Variants in GPC6 observed in about 807,000 individuals in gnomAD.
GPC6 encodes the protein glypican-6.
In GPC6, 14 loss-of-function variants were observed where a neutral mutation model predicts 55.2. That is an observed-to-expected ratio of 0.25 (90% CI 0.17 to 0.40). The LOEUF is 0.40. Among genes scored for constraint, GPC6 ranks in the 10% least tolerant of loss-of-function variants. The pLI is 1.00. For missense variants in GPC6, 641 were observed against 708.5 expected, an observed-to-expected ratio of 0.90 and a Z score of 1.08; for synonymous variants, 278 against 259.6, an observed-to-expected ratio of 1.07 and a Z score of -0.68.
At chr13:94,169,351 T>A (rs1198184670) in intron 4 of GPC6, among the ~76,000 whole-genome samples, 1 of 152,102 alleles carries the variant, frequency 6.6e-6, no homozygotes, top group Non-Finnish European at 1.5e-5. Context: ...GGATTTTAAA[T>A]ACTTTAAAGT....
chr13:93,584,095 G>T (rs1388070417), intron 2 of GPC6, among the ~76,000 whole-genome samples: 3 of 152,148 alleles, frequency 2.0e-5, no homozygotes, highest in Non-Finnish European at 2.9e-5. Context: ...TTAGGAAAGG[G>T]AATAATGAAT....
chr13:94,256,305 C>T (rs985688177), intron 4 of GPC6, among the ~76,000 whole-genome samples: 6 of 152,100 alleles, frequency 3.9e-5, no homozygotes, highest in Admixed American at 2.0e-4. Flanking sequence ...GTGTAGTATG[C>T]ACTAAATTCT....
chr13:94,181,826 C>A (rs1280683892), intron 4 of GPC6, among the ~76,000 whole-genome samples: 1 of 152,198 alleles, frequency 6.6e-6, no homozygotes, highest in Admixed American at 6.5e-5. Flanking sequence ...CTACCACTAC[C>A]TGTTATTTAT....
rs923073388 is a variant in GPC6, at chr13:93,520,552, A to C, written c.161-24711A>C. On this transcript the variant is annotated intron_variant, in intron 1 of 8. Transcript: ENST00000377047. ...TGCTGAAATAGACTTTAAAAAAAAA[A>C]AACACTTGAAGATTTTTAAGAGTGT... Among the ~76,000 whole-genome samples, 11 of 152,098 alleles carry C rather than the reference A, an allele frequency of 7.2e-5. 1 individual carries two copies. The highest frequency in any genetic ancestry group is 1.3e-4 in the Non-Finnish European group (9 of 67,908).
At chr13:93,526,977 A>G (rs1881669963) in intron 1 of GPC6, among the ~76,000 whole-genome samples, 1 of 152,106 alleles carries the variant, frequency 6.6e-6, no homozygotes, top group Non-Finnish European at 1.5e-5. Context: ...ATAAACATGA[A>G]GGAAAAGCTG....
At chr13:94,305,468 G>A (rs772732573) in intron 5 of GPC6, among the ~76,000 whole-genome samples, 3 of 152,158 alleles carry the variant, frequency 2.0e-5, no homozygotes, top group African/African-American at 7.2e-5. Flanking sequence ...ACTTCAGCCC[G>A]ATGCTTGGGG....
At chr13:94,300,870 A>T (rs1299718872) in intron 5 of GPC6, among the ~76,000 whole-genome samples, 1 of 152,188 alleles carries the variant, frequency 6.6e-6, no homozygotes. Flanking sequence ...GAAGCCCTTT[A>T]GTGTCTTAAA....
intron 6 of GPC6, among the ~76,000 whole-genome samples, chr13:94,373,593 G>A (rs954016589): frequency 1.1e-4 from 17 of 152,174 alleles, no homozygotes; most frequent in Admixed American, 3.3e-4. Context: ...TCTGATTGGC[G>A]TACCTGAAAG....
At chr13:93,430,101 A>G (rs1184044695) in intron 1 of GPC6, among the ~76,000 whole-genome samples, 2 of 152,156 alleles carry the variant, frequency 1.3e-5, no homozygotes, top group Non-Finnish European at 2.9e-5. Context: ...ATGGGAGTGA[A>G]TTCTTTTTGG....
rs563535693 is a variant in GPC6, at chr13:94,384,550, T to G, written c.1289+2000T>G. 4.0e-5 allele frequency among the ~76,000 whole-genome samples: 6 copies of G among 148,808 alleles called. No homozygotes were observed. In the East Asian group the frequency reaches 1.3e-3, roughly 32 times the overall value. On this transcript the variant is annotated intron_variant, in intron 7 of 8. Coordinates refer to ENST00000377047, the MANE Select transcript of GPC6 (RefSeq NM_005708.5). The stretch of plus-strand genomic sequence containing the variant: ...GCAATTTCTTACAAAAGGAAATATT[T>G]TTTTAAAAAAAGGCCATGGGCGAAG...
At chr13:93,393,113 T>TAG (rs1209865463) in intron 1 of GPC6, among the ~76,000 whole-genome samples, 2 of 68,000 alleles carry the variant, frequency 2.9e-5, no homozygotes, top group African/African-American at 4.1e-5. Flanking sequence ...ATTTGATATA[T>TAG]ATATATATAT....
chr13:94,283,925 C>T (rs1566632188), intron 4 of GPC6, among the ~76,000 whole-genome samples: 2 of 152,220 alleles, frequency 1.3e-5, no homozygotes, highest in Admixed American at 6.5e-5. Context: ...TATGTTGTGA[C>T]TTCACTGGTT....
rs532713865 is a variant in GPC6, at chr13:93,865,235, C to G, written c.711+34690C>G. ...TAAAATTGCTATTATAATCATGGGT[C>G]ACTTCAAGTTCAATGGAACTTACTC... On this transcript the variant is annotated intron_variant, in intron 3 of 8. Transcript: ENST00000377047. Among the ~76,000 whole-genome samples the G allele has an allele frequency of 4.0e-5, 6 of 151,702 alleles. No homozygotes were observed. In the East Asian group the frequency reaches 1.2e-3, roughly 30 times the overall value.
intron 3 of GPC6, among the ~76,000 whole-genome samples, chr13:93,908,091 A>G (rs1479254408): frequency 6.6e-6 from 1 of 152,170 alleles, no homozygotes; most frequent in Non-Finnish European, 1.5e-5. Context: ...AAGGAGAGAG[A>G]GAGAGTGAAT....
intron 1 of GPC6, among the ~76,000 whole-genome samples, chr13:93,247,267 C>T (rs1876636218): frequency 6.6e-6 from 1 of 151,988 alleles, no homozygotes; most frequent in African/African-American, 2.4e-5. Flanking sequence ...TATCTTTGAC[C>T]TCTGTTTTCT....
chr13:94,395,069 A>G (rs1880837657), intron 7 of GPC6, among the ~76,000 whole-genome samples: 1 of 152,196 alleles, frequency 6.6e-6, no homozygotes, highest in Admixed American at 6.5e-5. Context: ...AGAATCGACC[A>G]TCACCTCTCA....
chr13:93,870,943 A>G (rs1889113844), intron 3 of GPC6, among the ~76,000 whole-genome samples: 2 of 151,824 alleles, frequency 1.3e-5, no homozygotes, highest in South Asian at 4.1e-4. Flanking sequence ...ATTTGAATTT[A>G]CTTTGATATT....
intron 3 of GPC6, among the ~76,000 whole-genome samples, chr13:93,946,679 G>A (rs375116199): frequency 1.3e-5 from 2 of 152,134 alleles, no homozygotes; most frequent in East Asian, 1.9e-4. Context: ...TTCCTAGAGA[G>A]GCTGTTAAAA....
At chr13:93,698,163 T>C (rs946675403) in intron 2 of GPC6, among the ~76,000 whole-genome samples, 4 of 152,152 alleles carry the variant, frequency 2.6e-5, no homozygotes, top group East Asian at 3.9e-4. Context: ...TTTCTTCTTT[T>C]ATTCAGCTTG....
Sources: allele counts gnomAD v4.1 joint callset (sites outside exome capture counted in the v4.1 genomes callset), GRCh38; gene constraint gnomAD v4.1.1; transcripts MANE v1.5; gene names NCBI Gene and HGNC (gene_info 2026-07-23, HGNC 2026-07-21).